BPTF: variants seen among roughly 807,000 people sequenced by gnomAD.
BPTF encodes the protein bromodomain PHD finger transcription factor.
In BPTF, 18 loss-of-function variants were observed where a neutral mutation model predicts 292.5. The ratio of observed to expected loss-of-function variants is 0.06; its 90% CI spans 0.04 to 0.09. The LOEUF (loss-of-function observed/expected upper bound fraction) is 0.09, where lower values mean the gene tolerates loss of function less well. Among genes scored for constraint, BPTF ranks in the 10% least tolerant of loss-of-function variants. The pLI, the probability that BPTF is intolerant of heterozygous loss-of-function variation, is 1.00. For synonymous variants in BPTF, 1,225 were observed against 1,251.9 expected, an observed-to-expected ratio of 0.98 and a Z score of 0.45; for missense variants, 2,726 against 3,498.7, an observed-to-expected ratio of 0.78 and a Z score of 5.57.
chr17:67,941,151 A>G (rs2147833831), intron 19 of BPTF, among the ~76,000 whole-genome samples: 1 of 152,358 alleles, frequency 6.6e-6, no homozygotes, highest in Admixed American at 6.5e-5. Context: ...TGATAACTTG[A>G]TATCAAAACT....
chr17:67,869,827 C>CAAAAAAAAAAAA (rs772941425), intron 3 of BPTF, among the ~76,000 whole-genome samples: 35 of 56,282 alleles, frequency 6.2e-4, no homozygotes, highest in Middle Eastern at 9.1e-3. Flanking sequence ...ACTAAAAATA[C>CAAAAAAAAAAAA]AAAAAAAAAA....
chr17:67,942,538 C>T (rs2065459733), intron 19 of BPTF, among the ~76,000 whole-genome samples: 1 of 152,152 alleles, frequency 6.6e-6, no homozygotes. Flanking sequence ...GCCTATCAGT[C>T]GGTTCAGCCA....
chr17:67,880,274 T>C (rs1184588478), intron 4 of BPTF, among the ~76,000 whole-genome samples: 1 of 152,190 alleles, frequency 6.6e-6, no homozygotes, highest in Non-Finnish European at 1.5e-5. Context: ...TATGTTTTTC[T>C]CCAAATTAAT....
chr17:67,895,465 T>C (rs1163063601), intron 7 of BPTF, among the ~76,000 whole-genome samples: 4 of 147,104 alleles, frequency 2.7e-5, no homozygotes, highest in Non-Finnish European at 4.5e-5. Context: ...CACATACATT[T>C]TTTTTTTTTT....
At position 67,904,011 on chromosome 17, in the gene BPTF, T is replaced by C; in HGVS notation, c.2673+93T>C. On this transcript the variant is annotated intron_variant, in intron 8 of 27. Transcript: ENST00000306378. ...ATACTTACTAATTTTATTTTTGACA[T>C]AGTCTTTGTATTTTATTTATTTATT... is the stretch of plus-strand genomic sequence containing the variant. 5 of 1,086,272 alleles carry C rather than the reference T, an allele frequency of 4.6e-6. No individual in the cohort carries two copies. In the South Asian group the frequency reaches 7.8e-5, roughly 17 times the overall value. The allele number at this position is 1,086,272 out of a possible 1,614,324, so 67.3% of individuals were successfully genotyped here. A position where few individuals can be genotyped will look rare whatever the true frequency, so the allele number is the denominator to read the frequency against.
At chr17:67,839,501 G>A (rs11079707) in intron 1 of BPTF, among the ~76,000 whole-genome samples, 30,979 of 152,020 alleles carry the variant, frequency 0.2, 3,972 homozygotes, top group East Asian at 0.66. Flanking sequence ...CATTCCTGCA[G>A]CAAACCTCTC....
intron 3 of BPTF, among the ~76,000 whole-genome samples, chr17:67,867,480 G>A (rs1365965189): frequency 6.6e-6 from 1 of 152,156 alleles, no homozygotes; most frequent in Non-Finnish European, 1.5e-5. Context: ...TACAACTAAT[G>A]GACCAGTATT....
chr17:67,899,803 A>G (rs2061701296), intron 7 of BPTF, among the ~76,000 whole-genome samples: 1 of 152,032 alleles, frequency 6.6e-6, no homozygotes, highest in Non-Finnish European at 1.5e-5. Flanking sequence ...TGCTGGGATT[A>G]CAAGCATGAG....
At chr17:67,860,821 G>A (rs1198692562) in intron 2 of BPTF, among the ~76,000 whole-genome samples, 3 of 152,198 alleles carry the variant, frequency 2.0e-5, no homozygotes, top group African/African-American at 2.4e-5. Flanking sequence ...GCCTCCCAAA[G>A]CGCTAGGATT....
At chr17:67,829,451 C>G (rs1476961716) in intron 1 of BPTF, among the ~76,000 whole-genome samples, 1 of 151,798 alleles carries the variant, frequency 6.6e-6, no homozygotes, top group South Asian at 2.1e-4. Flanking sequence ...GACCGGCCCT[C>G]TAAGTTCCCT....
chr17:67,843,610 A>G (rs2057754911), intron 1 of BPTF, among the ~76,000 whole-genome samples: 1 of 149,386 alleles, frequency 6.7e-6, no homozygotes, highest in African/African-American at 2.4e-5. Flanking sequence ...ATATGTATAA[A>G]TATCTGTATA....
intron 18 of BPTF, among the ~76,000 whole-genome samples, chr17:67,936,438 T>C (rs2064921081): frequency 6.6e-6 from 1 of 152,176 alleles, no homozygotes; most frequent in South Asian, 2.1e-4. Context: ...TTGTGGTAAA[T>C]TGCCAGAGAA....
intron 27 of BPTF, chr17:67,981,646 T>C: frequency 9.8e-7 from 1 of 1,022,968 alleles, no homozygotes; most frequent in South Asian, 3.4e-5. Flanking sequence ...AATTGTAAAC[T>C]CTTGGAATAC....
chr17:67,857,606 A>G (rs2058780433), intron 2 of BPTF, among the ~76,000 whole-genome samples: 1 of 151,486 alleles, frequency 6.6e-6, no homozygotes, highest in South Asian at 2.1e-4. Context: ...AGCTGGGACT[A>G]CAGGTGTGTG....
chr17:67,945,574 C>T lies in BPTF; in HGVS notation c.6866C>T (p.Ala2289Val). Residue 2289 changes from alanine to valine, a missense_variant, in exon 21 of 28, where the codon GCT becomes GTT. Physicochemically the swap from Ala to Val is moderately conservative, Grantham distance 64. This residue lies in a region of BPTF where 570 missense variants were observed against 633.5 expected (regional missense o/e 0.90). Coordinates refer to ENST00000306378, the MANE Select transcript of BPTF (RefSeq NM_182641.4). ...CCCCAAACCCAGCCCCAGTCCCCAG[C>T]TCAGCCTGAAGTTCAGACTCAGCCT... ...PQPQTQPQSPAQPEVQTQPEV... is the reference protein window; with the variant it reads ...PQPQTQPQSPVQPEVQTQPEV... 3.1e-6 allele frequency: 5 copies of T among 1,611,116 alleles called. No individual in the cohort carries two copies. Among genetic ancestry groups the T allele is most frequent in the Non-Finnish European group, 4.2e-6 (5 of 1,178,538 alleles).
At chr17:67,948,494 G>A (rs138131969) in intron 23 of BPTF, among the ~76,000 whole-genome samples, 188 bp downstream of exon 23, 4 of 152,292 alleles carry the variant, frequency 2.6e-5, no homozygotes, top group East Asian at 1.9e-4. Context: ...ATAACTAAAT[G>A]TGTAGTTATA....
rs368800974 is a variant in BPTF at position 67,849,405 on chromosome 17, A to G, written c.614-4535A>G. Among the ~76,000 whole-genome samples the G allele has an allele frequency of 9.3e-4, 142 of 152,292 alleles. 5 individuals carry two copies. In the South Asian group the frequency reaches 0.026, roughly 28 times the overall value. ...CTGAGATTCTGAATTTCTCTCAAAC[A>G]TGATAATGCCAGTCACTTGTCGAGT... is the stretch of plus-strand genomic sequence containing the variant. On this transcript the variant is annotated intron_variant, in intron 1 of 27. Transcript: ENST00000306378.
intron 2 of BPTF, among the ~76,000 whole-genome samples, chr17:67,865,725 A>G (rs1221646489): frequency 3.9e-5 from 6 of 152,172 alleles, no homozygotes; most frequent in Non-Finnish European, 7.3e-5. Flanking sequence ...CTAGACATTA[A>G]TTTGCCTGTT....
Position 67,918,576 on chromosome 17 carries a change from T to C in BPTF, c.5304-138T>C, listed in dbSNP as rs937737964. The C allele has an allele frequency of 6.9e-6, 5 of 720,666 alleles. No homozygotes were observed. In the East Asian group the frequency reaches 9.4e-5, roughly 14 times the overall value. The allele number at this position is 720,666 out of a possible 1,614,324, so 44.6% of individuals were successfully genotyped here. A position where few individuals can be genotyped will look rare whatever the true frequency, so the allele number is the denominator to read the frequency against. On this transcript the variant is annotated intron_variant, in intron 11 of 27. Coordinates refer to ENST00000306378, the MANE Select transcript of BPTF (RefSeq NM_182641.4). ...TAAAGGACATATAATACCAAAGTCT[T>C]ACAAAACCATATTATAAATACTGGA...
Sources: allele counts gnomAD v4.1 joint callset (sites outside exome capture counted in the v4.1 genomes callset), GRCh38; gene constraint gnomAD v4.1.1; regional missense constraint gnomAD v4.1.1; transcripts MANE v1.5; gene names NCBI Gene and HGNC (gene_info 2026-07-23, HGNC 2026-07-21).